The following CETP variants were observed in gnomAD, a reference collection of about 807,000 sequenced individuals.
CETP encodes cholesteryl ester transfer protein, also known as BPI fold containing family F.
Under a neutral mutation model 66.5 loss-of-function variants are expected in CETP, and 56 were observed. That is an observed-to-expected ratio of 0.84 (90% confidence interval 0.68 to 1.05). The LOEUF (loss-of-function observed/expected upper bound fraction) is 1.05, where lower values mean the gene tolerates loss of function less well. CETP is among the 50% of genes least tolerant of loss of function. CETP has a pLI of 0.00. For synonymous variants in CETP, 251 were observed against 245.7 expected, an observed-to-expected ratio of 1.02 and a Z score of -0.20; for missense variants, 612 against 609.6, an observed-to-expected ratio of 1.00 and a Z score of -0.04.
rs984216604 is a variant in CETP at position 56,975,102 on chromosome 16, C to T, written c.932C>T (p.Ala311Val). Residue 311 changes from alanine (A) to valine (V), a missense_variant and splice_region_variant, in exon 10 of 16, where the codon GCA becomes GTA. Ala to Val is a moderately conservative substitution (Grantham distance 64). Coordinates refer to ENST00000200676, the MANE Select transcript of CETP (RefSeq NM_000078.3). ...TCCAACTTCCTCATTTCTTTTCAGG[C>T]AGTGCTGGAGACCTGGGGCTTCAAC... is the stretch of plus-strand genomic sequence containing the variant. ...MLSLMGDEFK[A>V]VLETWGFNTN... 2 of 1,614,056 alleles carry T rather than the reference C, an allele frequency of 1.2e-6. No individual in the cohort carries two copies. Among genetic ancestry groups the T allele is most frequent in the Non-Finnish European group, 1.7e-6 (2 of 1,179,896 alleles).
intron 2 of CETP, among the ~76,000 whole-genome samples, chr16:56,965,708 T>C (rs997980211): frequency 3.3e-5 from 5 of 152,164 alleles, no homozygotes; most frequent in African/African-American, 1.2e-4. Context: ...TTGTGTCATA[T>C]TCCATGTGCT....
intron 2 of CETP, among the ~76,000 whole-genome samples, chr16:56,967,371 A>C (rs916784138): frequency 3.7e-4 from 55 of 148,768 alleles, no homozygotes; most frequent in African/African-American, 1.2e-3. Context: ...AACAAAAAAA[A>C]CGGGTTGGGC....
chr16:56,962,035 C>G lies in CETP; in HGVS notation c.56C>G (p.Ser19Cys). 2 of 1,614,146 alleles carry G rather than the reference C, an allele frequency of 1.2e-6. No homozygotes were observed. The highest frequency in any genetic ancestry group is 1.1e-5 in the South Asian group (1 of 91,070). Residue 19 changes from serine (S) to cysteine (C), a missense_variant, in exon 1 of 16, where the codon TCC becomes TGC. By Grantham distance (112) the Ser-to-Cys change is moderately radical. Coordinates refer to ENST00000200676, the MANE Select transcript of CETP (RefSeq NM_000078.3). ...CTGCTGGGCAATGCCCATGCCTGCTCCAAAGGCACCTCGCACGAGGCAGGC... is the reference window on the plus strand; with the variant it reads ...CTGCTGGGCAATGCCCATGCCTGCTGCAAAGGCACCTCGCACGAGGCAGGC... Reference protein sequence around the residue: ...LALLGNAHACSKGTSHEAGIV... With the variant: ...LALLGNAHACCKGTSHEAGIV...
At chr16:56,976,454 G>T (rs1249565123) in intron 10 of CETP, among the ~76,000 whole-genome samples, 2 of 151,670 alleles carry the variant, frequency 1.3e-5, no homozygotes. Context: ...GTCAGCTCTA[G>T]AAATTTCTTT....
chr16:56,963,396 G>A lies in CETP; in HGVS notation c.233+272G>A, dbSNP rs2056039999. Among the ~76,000 whole-genome samples, 3 of 152,128 alleles carry A rather than the reference G, an allele frequency of 2.0e-5. No individual in the cohort carries two copies. The South Asian group carries it at 6.2e-4, about 31-fold the overall frequency. Reference sequence around the variant, plus strand: ...TTCCCACTGCCCTGGGAAGATGGAGGTCTTATTTCGGGGTGAATGGGGGGT... The same window carrying A: ...TTCCCACTGCCCTGGGAAGATGGAGATCTTATTTCGGGGTGAATGGGGGGT... On this transcript the variant is annotated intron_variant, in intron 2 of 15. Transcript: ENST00000200676.
intron 2 of CETP, 34 bp downstream of exon 2, chr16:56,963,158 G>T: frequency 6.4e-7 from 1 of 1,562,078 alleles, no homozygotes; most frequent in Non-Finnish European, 8.8e-7. Flanking sequence ...CAGGCTGGGG[G>T]TAGGGAGGCG....
chr16:56,965,837 C>G (rs1257588091), intron 2 of CETP, among the ~76,000 whole-genome samples: 3 of 149,960 alleles, frequency 2.0e-5, no homozygotes, highest in Non-Finnish European at 4.4e-5. Flanking sequence ...AGGGTCTTCA[C>G]TGAGCCCCAC....
intron 11 of CETP, among the ~76,000 whole-genome samples, chr16:56,980,160 C>G (rs1490793205): frequency 6.6e-6 from 1 of 152,130 alleles, no homozygotes; most frequent in Non-Finnish European, 1.5e-5. Flanking sequence ...TTGAATCTCC[C>G]CAGTTTTTCC....
At chr16:56,974,139 T>A (rs553720554) in intron 9 of CETP, among the ~76,000 whole-genome samples, 1 of 152,146 alleles carries the variant, frequency 6.6e-6, no homozygotes, top group Non-Finnish European at 1.5e-5. Context: ...TAGTTTCGCT[T>A]CTCTTTCTTT....
rs1425525442 is a variant in CETP, at chr16:56,969,610, G to A, written c.369-1G>A. 2 of 1,614,228 alleles carry A rather than the reference G, an allele frequency of 1.2e-6. No individual in the cohort carries two copies. The highest frequency in any genetic ancestry group is 8.5e-7 in the Non-Finnish European group (1 of 1,180,046). ...GGTCCTGGGTCCTTGGCTCTTTCCAGGCTGGGTATTGATCAGTCCATTGAC... is the reference window on the plus strand; with the variant it reads ...GGTCCTGGGTCCTTGGCTCTTTCCAAGCTGGGTATTGATCAGTCCATTGAC... On this transcript the variant is annotated splice_acceptor_variant, in intron 3 of 15. Transcript: ENST00000200676. LOFTEE classifies it high-confidence loss of function.
At chr16:56,970,046 C>G in intron 5 of CETP, 45 bp downstream of exon 5, 1 of 1,577,014 alleles carries the variant, frequency 6.3e-7, no homozygotes, top group Non-Finnish European at 8.7e-7. Flanking sequence ...CGTGCCCATC[C>G]TGTTAGTGTG....
chr16:56,970,407 A>T (rs1234414983), intron 5 of CETP, among the ~76,000 whole-genome samples: 1 of 152,200 alleles, frequency 6.6e-6, no homozygotes, highest in Non-Finnish European at 1.5e-5. Flanking sequence ...TCCAAGCACC[A>T]CACTAACTCA....
At chr16:56,965,470 G>T (rs150928685) in intron 2 of CETP, among the ~76,000 whole-genome samples, 1 of 152,168 alleles carries the variant, frequency 6.6e-6, no homozygotes, top group African/African-American at 2.4e-5. Context: ...TGTCATAGTG[G>T]CTTATAATAT....
chr16:56,967,046 C>T (rs1490898468), intron 2 of CETP, among the ~76,000 whole-genome samples: 2 of 151,962 alleles, frequency 1.3e-5, no homozygotes, highest in Non-Finnish European at 2.9e-5. Flanking sequence ...GAAGAGACTC[C>T]ACTCAAAAAT....
At chr16:56,976,761 GCT>G (rs1180388393) in intron 10 of CETP, among the ~76,000 whole-genome samples, 9 of 151,938 alleles carry the variant, frequency 5.9e-5, no homozygotes, top group African/African-American at 2.2e-4. Flanking sequence ...TCTCTTAGTT[GCT>G]CTGTCGTGTT....
At chr16:56,966,277 C>G (rs1465276967) in intron 2 of CETP, among the ~76,000 whole-genome samples, 2 of 152,176 alleles carry the variant, frequency 1.3e-5, no homozygotes, top group Non-Finnish European at 2.9e-5. Context: ...TGGCTTCCCT[C>G]CATCTACTTT....
chr16:56,981,929 C>T (rs1003296237), intron 13 of CETP, among the ~76,000 whole-genome samples: 1 of 152,148 alleles, frequency 6.6e-6, no homozygotes, highest in Non-Finnish European at 1.5e-5. Context: ...CCAAGCAGCG[C>T]CTCCCTGGAC....
rs368229546 is a variant in CETP, at chr16:56,975,930, C to T, written c.981+779C>T. 5.3e-5 allele frequency among the ~76,000 whole-genome samples: 8 copies of T among 152,344 alleles called. No individual in the cohort carries two copies. The East Asian group carries it at 1.4e-3, about 26-fold the overall frequency. On this transcript the variant is annotated intron_variant, in intron 10 of 15. Transcript: ENST00000200676. ...CGCAACCCACTCACCCACACCTGCGCCTTCCTGCGGCCGTTCTCCTGTTCT... is the reference window on the plus strand; with the variant it reads ...CGCAACCCACTCACCCACACCTGCGTCTTCCTGCGGCCGTTCTCCTGTTCT...
At position 56,963,099 on chromosome 16, in the gene CETP, G is replaced by A; in HGVS notation, c.208G>A (p.Gly70Ser). 1 of 1,614,156 alleles carries A rather than the reference G, an allele frequency of 6.2e-7. No homozygotes were observed. The highest frequency in any genetic ancestry group is 8.5e-7 in the Non-Finnish European group (1 of 1,179,996). Residue 70 changes from glycine (G) to serine (S), a missense_variant, in exon 2 of 16, where the codon GGC becomes AGC. By Grantham distance (56) the Gly-to-Ser change is moderately conservative. Coordinates refer to ENST00000200676, the MANE Select transcript of CETP (RefSeq NM_000078.3). Reference protein sequence around the residue: ...ITGEKAMMLLGQVKYGLHNIQ... With the variant: ...ITGEKAMMLLSQVKYGLHNIQ... ...GGGCGAGAAGGCCATGATGCTCCTT[G>A]GCCAAGTCAAGTATGGGTTGCACAA...
Sources: allele counts gnomAD v4.1 joint callset (sites outside exome capture counted in the v4.1 genomes callset), GRCh38; gene constraint gnomAD v4.1.1; transcripts MANE v1.5; gene names NCBI Gene and HGNC (gene_info 2026-07-23, HGNC 2026-07-21).